The following MYT1L variants were observed in gnomAD, a reference collection of about 807,000 sequenced individuals.
The protein encoded by MYT1L is myelin transcription factor 1-like protein.
A neutral mutation model predicts 126.7 loss-of-function variants in MYT1L; 12 were observed. That is an observed-to-expected ratio of 0.09 (90% CI 0.06 to 0.15). The LOEUF (loss-of-function observed/expected upper bound fraction) is 0.15. Ranked by LOEUF, MYT1L falls within the 10% of genes least tolerant of loss-of-function variation. MYT1L has a pLI of 1.00. For missense variants in MYT1L, 979 were observed against 1,585.2 expected (o/e 0.62, Z 6.49); for synonymous variants, 541 against 604.2 (o/e 0.90, Z 1.53).
At chr2:2,082,927 T>C (rs567298625) in intron 3 of MYT1L, among the ~76,000 whole-genome samples, 2 of 152,218 alleles carry the variant, frequency 1.3e-5, no homozygotes, top group East Asian at 1.9e-4. Flanking sequence ...GCTGGCATCT[T>C]GTAAGCCAAC....
At chr2:2,058,432 C>T (rs1002214752) in intron 3 of MYT1L, among the ~76,000 whole-genome samples, 3 of 152,284 alleles carry the variant, frequency 2.0e-5, no homozygotes, top group African/African-American at 7.2e-5. Flanking sequence ...TAGTGACATC[C>T]AATTCATCAA....
intron 4 of MYT1L, among the ~76,000 whole-genome samples, chr2:2,033,040 A>T (rs1466902121): frequency 7.9e-5 from 10 of 126,040 alleles, no homozygotes; most frequent in African/African-American, 1.8e-4. Flanking sequence ...AGATTCTAGA[A>T]GGAGGGCCTT....
chr2:1,993,807 C>T lies in MYT1L; in HGVS notation c.-1+3384G>A, dbSNP rs139142688. On this transcript the variant is annotated intron_variant, in intron 5 of 24. Transcript: ENST00000647738. ...GCGCTGGTCACCTTTAATTTTATTCCGTCCTTGGCTTTGGTTGAGTAAAGC... is the reference window on the plus strand; with the variant it reads ...GCGCTGGTCACCTTTAATTTTATTCTGTCCTTGGCTTTGGTTGAGTAAAGC... 6.7e-3 allele frequency among the ~76,000 whole-genome samples: 1,024 copies of T among 152,258 alleles called. 15 individuals are homozygous for T. Among genetic ancestry groups the T allele is most frequent in the African/African-American group, 0.023 (958 of 41,534 alleles).
intron 18 of MYT1L, among the ~76,000 whole-genome samples, chr2:1,873,419 G>T (rs190706312): frequency 2.6e-5 from 4 of 152,308 alleles, no homozygotes; most frequent in Admixed American, 2.6e-4. Flanking sequence ...TACTTAGAGA[G>T]ATGCCAGCGC....
chr2:1,907,069 G>A (rs930520736), intron 13 of MYT1L, among the ~76,000 whole-genome samples: 1 of 151,170 alleles, frequency 6.6e-6, no homozygotes, highest in Non-Finnish European at 1.5e-5. Context: ...CCATAATTGT[G>A]CCACTGTACT....
chr2:1,970,776 C>A (rs2059756359), intron 8 of MYT1L, among the ~76,000 whole-genome samples: 1 of 152,164 alleles, frequency 6.6e-6, no homozygotes, highest in Non-Finnish European at 1.5e-5. Context: ...AGTGGGTAAA[C>A]CTCAGACAAC....
chr2:2,252,744 T>A (rs1490104655), intron 2 of MYT1L, among the ~76,000 whole-genome samples: 1 of 152,108 alleles, frequency 6.6e-6, no homozygotes, highest in Non-Finnish European at 1.5e-5. Context: ...ATCGTCTTCT[T>A]CATCTGTCCT....
intron 3 of MYT1L, among the ~76,000 whole-genome samples, chr2:2,110,995 G>C (rs911912976): frequency 6.6e-6 from 1 of 152,194 alleles, no homozygotes; most frequent in Admixed American, 6.5e-5. Flanking sequence ...GCCAGCTATG[G>C]GGCATGGGCT....
chr2:2,065,996 C>G (rs1487897108), intron 3 of MYT1L, among the ~76,000 whole-genome samples: 1 of 152,088 alleles, frequency 6.6e-6, no homozygotes, highest in African/African-American at 2.4e-5. Context: ...AAAAGTGTGT[C>G]TTCCTGTCTC....
In MYT1L at chr2:1,840,896, C is replaced by CTTTTTTTTTTTTT. The variant is rs1316416056; in HGVS notation, c.2775-54_2775-53insAAAAAAAAAAAAA. 9.4e-6 allele frequency: 9 copies of CTTTTTTTTTTTTT among 962,480 alleles called. No individual in the cohort carries two copies. The African/African-American group carries it at 1.6e-4, about 18-fold the overall frequency. The allele number at this position is 962,480 out of a possible 1,614,324, so 59.6% of individuals were successfully genotyped here. On this transcript the variant is annotated intron_variant, in intron 19 of 24. Coordinates refer to ENST00000647738, the MANE Select transcript of MYT1L (RefSeq NM_001303052.2). ...ACCCCACACCGTTGATTTCAGTGAGCTTTCTTTCTTTTTTTTTTTTTTTTT... is the reference window on the plus strand; with the variant it reads ...ACCCCACACCGTTGATTTCAGTGAGCTTTTTTTTTTTTTTTTCTTTCTTTTTTTTTTTTTTTTT...
intron 18 of MYT1L, among the ~76,000 whole-genome samples, chr2:1,864,187 G>A (rs2148648569): frequency 6.6e-6 from 1 of 152,340 alleles, no homozygotes; most frequent in Admixed American, 6.5e-5. Flanking sequence ...ACGGCTCTTA[G>A]GGGACAGGAT....
intron 3 of MYT1L, among the ~76,000 whole-genome samples, chr2:2,172,312 C>A (rs1210680914): frequency 2.6e-5 from 4 of 152,116 alleles, no homozygotes; most frequent in Admixed American, 1.3e-4. Flanking sequence ...GCCATTTCCA[C>A]GTGAGGGTCA....
At chr2:2,227,342 C>T (rs1490944818) in intron 2 of MYT1L, among the ~76,000 whole-genome samples, 4 of 152,234 alleles carry the variant, frequency 2.6e-5, no homozygotes, top group Admixed American at 2.0e-4. Flanking sequence ...ACCCACTTGA[C>T]ATCTCGACTG....
intron 8 of MYT1L, among the ~76,000 whole-genome samples, chr2:1,970,180 A>C (rs1439100100): frequency 6.6e-6 from 1 of 152,058 alleles, no homozygotes; most frequent in African/African-American, 2.4e-5. Context: ...CCAGAGCCGG[A>C]CTCAGGAGGG....
At chr2:2,049,841 C>T (rs376374047) in intron 4 of MYT1L, among the ~76,000 whole-genome samples, 14 of 152,328 alleles carry the variant, frequency 9.2e-5, no homozygotes, top group Non-Finnish European at 1.8e-4. Context: ...GATTGTGAGG[C>T]CTCCTCAGCC....
At chr2:1,844,821 C>G (rs957261798) in intron 19 of MYT1L, among the ~76,000 whole-genome samples, 10 of 152,286 alleles carry the variant, frequency 6.6e-5, no homozygotes, top group Non-Finnish European at 1.5e-4. Context: ...TCTTCTCCTT[C>G]CAAATTTTAG....
At chr2:1,928,258 A>C (rs2054492411) in intron 9 of MYT1L, among the ~76,000 whole-genome samples, 1 of 152,158 alleles carries the variant, frequency 6.6e-6, no homozygotes, top group Non-Finnish European at 1.5e-5. Context: ...TTCATATACC[A>C]CATTTCCTTC....
intron 2 of MYT1L, among the ~76,000 whole-genome samples, chr2:2,272,358 C>T (rs2095280814): frequency 6.6e-6 from 1 of 152,184 alleles, no homozygotes; most frequent in South Asian, 2.1e-4. Flanking sequence ...CTGGCCTCAC[C>T]CTGCCCCCGC....
At chr2:1,904,646 T>A (rs2050792694) in intron 13 of MYT1L, among the ~76,000 whole-genome samples, 1 of 151,922 alleles carries the variant, frequency 6.6e-6, no homozygotes, top group African/African-American at 2.4e-5. Context: ...CCTGGGATTA[T>A]AGGCTTGAGC....
Sources: allele counts gnomAD v4.1 joint callset (sites outside exome capture counted in the v4.1 genomes callset), GRCh38; gene constraint gnomAD v4.1.1; transcripts MANE v1.5; gene names NCBI Gene and HGNC (gene_info 2026-07-23, HGNC 2026-07-21).